Variants in CCDC141 observed in about 807,000 individuals in gnomAD.
The protein encoded by CCDC141 is coiled-coil domain containing 141.
In CCDC141, 168 loss-of-function variants were observed where a neutral mutation model predicts 181.0. That is an observed-to-expected ratio of 0.93 (90% CI 0.82 to 1.05). The LOEUF (loss-of-function observed/expected upper bound fraction) is 1.05, where lower values mean the gene tolerates loss of function less well. CCDC141 is among the 50% of genes least tolerant of loss of function. The probability of loss-of-function intolerance (pLI) is 0.00; values close to 1 mark genes in which losing one functional copy is unlikely to be tolerated. For synonymous variants in CCDC141, 666 were observed against 642.3 expected, an observed-to-expected ratio of 1.04 and a Z score of -0.56; for missense variants, 1,902 against 1,788.5, an observed-to-expected ratio of 1.06 and a Z score of -1.14.
chr2:179,003,032 GAAAATGGGAT>G (rs2042027889), intron 2 of CCDC141, among the ~76,000 whole-genome samples: 1 of 152,152 alleles, frequency 6.6e-6, no homozygotes, highest in Non-Finnish European at 1.5e-5. Flanking sequence ...AGTCAATCCG[GAAAATGGGAT>G]AAAGATCTAT....
At chr2:178,979,283 A>G (rs1691261888) in intron 2 of CCDC141, among the ~76,000 whole-genome samples, 1 of 152,238 alleles carries the variant, frequency 6.6e-6, no homozygotes, top group South Asian at 2.1e-4. Context: ...TAAGATCCAT[A>G]TAATTCTTGA....
intron 2 of CCDC141, among the ~76,000 whole-genome samples, chr2:179,041,750 C>G (rs886989933): frequency 6.6e-6 from 1 of 151,892 alleles, no homozygotes; most frequent in Non-Finnish European, 1.5e-5. Context: ...ACAGAAAAAG[C>G]AAGATTTGCA....
At chr2:178,952,592 T>C (rs921978693) in intron 5 of CCDC141, among the ~76,000 whole-genome samples, 1 of 152,226 alleles carries the variant, frequency 6.6e-6, no homozygotes, top group African/African-American at 2.4e-5. Context: ...TCGCATACAT[T>C]CCAGTTAGAA....
chr2:178,872,192 C>T lies in CCDC141; in HGVS notation c.2020G>A (p.Ala674Thr). The change falls in exon 13 of 24, where the codon GCC becomes ACC. Residue 674 changes from alanine to threonine, a missense_variant. Coordinates refer to ENST00000443758, the MANE Select transcript of CCDC141 (RefSeq NM_173648.4). ...SLLRLAWQLK[A>T]TESKPGKQQW... ...TGTTTTCCAGGCTTGCTTTCCGTGG[C>T]TTTAAGCTGCCATGCCAGCCGAAGG... is the stretch of plus-strand genomic sequence containing the variant. 1 of 1,614,018 alleles carries T rather than the reference C, an allele frequency of 6.2e-7. No homozygotes were observed. Among genetic ancestry groups the T allele is most frequent in the South Asian group, 1.1e-5 (1 of 91,070 alleles).
Position 178,834,304 on chromosome 2 carries a change from C to G in CCDC141, c.4462G>C (p.Gly1488Arg), listed in dbSNP as rs199670476. The G allele has an allele frequency of 1.2e-5, 18 of 1,535,834 alleles. No homozygotes were observed. The highest frequency in any genetic ancestry group is 1.4e-5 in the Non-Finnish European group (16 of 1,146,860). Residue 1488 changes from glycine (G) to arginine (R), a missense_variant, in exon 24 of 24, where the codon GGC becomes CGC. By Grantham distance (125) the Gly-to-Arg change is moderately radical. Coordinates refer to ENST00000443758, the MANE Select transcript of CCDC141 (RefSeq NM_173648.4). Reference sequence around the variant, plus strand: ...AGGATGACATTGGAAGAGAGAGCGCCGCTAGAGTTTTGGGCCCGAGCCACA... The same window carrying G: ...AGGATGACATTGGAAGAGAGAGCGCGGCTAGAGTTTTGGGCCCGAGCCACA... The part of the protein sequence containing the change: ...LYVARAQNSS[G>R]ALSSNVILHV...
At chr2:178,938,791 T>C (rs1270678893) in intron 6 of CCDC141, among the ~76,000 whole-genome samples, 1 of 152,058 alleles carries the variant, frequency 6.6e-6, no homozygotes, top group African/African-American at 2.4e-5. Flanking sequence ...AGGGATGTAA[T>C]GTATCCAAGG....
chr2:178,863,997 T>C (rs930759267), intron 17 of CCDC141, among the ~76,000 whole-genome samples: 2 of 152,106 alleles, frequency 1.3e-5, no homozygotes, highest in Non-Finnish European at 2.9e-5. Flanking sequence ...GCAGTCCCTA[T>C]AAATAGAATT....
chr2:178,860,543 C>CTTT (rs71023458), intron 17 of CCDC141, among the ~76,000 whole-genome samples: 8,382 of 51,416 alleles, frequency 0.16, 2,246 homozygotes, highest in African/African-American at 0.22. Context: ...AAAAACAACA[C>CTTT]TTTTTTTTTT....
the CCDC141 span, among the ~76,000 whole-genome samples, chr2:178,824,463 A>T: frequency 1.6e-4 from 25 of 152,034 alleles, no homozygotes; most frequent in South Asian, 8.3e-4. Flanking sequence ...TCTCTATTAA[A>T]AGCACAAAAA....
At chr2:178,826,417 T>C (rs576870907), downstream of CCDC141, among the ~76,000 whole-genome samples, 1 of 152,312 alleles carries the variant, frequency 6.6e-6, no homozygotes, top group Non-Finnish European at 1.5e-5. Flanking sequence ...CTGGTTTTAC[T>C]ATTAGCATAA....
At chr2:178,849,776 A>AT (rs1411645582) in intron 21 of CCDC141, among the ~76,000 whole-genome samples, 1 of 152,190 alleles carries the variant, frequency 6.6e-6, no homozygotes, top group Non-Finnish European at 1.5e-5. Context: ...AATGGGACAC[A>AT]TTTTTTAGGA....
At chr2:178,847,805 G>A (rs1462656711) in intron 21 of CCDC141, among the ~76,000 whole-genome samples, 1 of 152,192 alleles carries the variant, frequency 6.6e-6, no homozygotes, top group Non-Finnish European at 1.5e-5. Context: ...CCTTTGGGAA[G>A]TGATTAGGTC....
chr2:179,037,900 T>A (rs1479987617), intron 2 of CCDC141, among the ~76,000 whole-genome samples: 1 of 152,220 alleles, frequency 6.6e-6, no homozygotes, highest in Non-Finnish European at 1.5e-5. Flanking sequence ...ACACATATAA[T>A]GTTGGTGGGA....
the CCDC141 span, among the ~76,000 whole-genome samples, chr2:178,819,739 C>A: frequency 0.27 from 40,892 of 151,814 alleles, 8,076 homozygotes; most frequent in East Asian, 0.79. Context: ...ACCCCCCAAA[C>A]ACACAGAATT....
At chr2:178,940,628 G>A (rs1307362521) in intron 6 of CCDC141, among the ~76,000 whole-genome samples, 1 of 152,130 alleles carries the variant, frequency 6.6e-6, no homozygotes, top group Non-Finnish European at 1.5e-5. Context: ...TAGATAAAAG[G>A]AGGTTAAGTG....
chr2:178,994,850 G>A (rs1413489529), intron 2 of CCDC141, among the ~76,000 whole-genome samples: 1 of 152,076 alleles, frequency 6.6e-6, no homozygotes, highest in African/African-American at 2.4e-5. Context: ...TATAGGGCAG[G>A]GGCAAAATGT....
Position 178,834,123 on chromosome 2 carries a change from A to G in CCDC141, c.*50T>C, listed in dbSNP as rs1409328786. ...GAGGTGCAGGAAGATAAACGGCGGC[A>G]CTTTTCTTTAGGCACATGAGAATGA... On this transcript the variant is annotated 3_prime_UTR_variant, in exon 24 of 24. Coordinates refer to ENST00000443758, the MANE Select transcript of CCDC141 (RefSeq NM_173648.4). The G allele has an allele frequency of 2.0e-6, 3 of 1,517,368 alleles. No individual in the cohort carries two copies. Among genetic ancestry groups the G allele is most frequent in the Non-Finnish European group, 2.6e-6 (3 of 1,132,698 alleles). The allele number at this position is 1,517,368 out of a possible 1,614,324, so 94.0% of individuals were successfully genotyped here.
intron 4 of CCDC141, among the ~76,000 whole-genome samples, chr2:178,962,334 T>C (rs1690442142): frequency 6.6e-6 from 1 of 152,178 alleles, no homozygotes; most frequent in African/African-American, 2.4e-5. Context: ...TGGGGAACTG[T>C]CCACTCTCCA....
intron 2 of CCDC141, among the ~76,000 whole-genome samples, chr2:178,982,883 G>T (rs1185122350): frequency 6.6e-6 from 1 of 152,186 alleles, no homozygotes; most frequent in Non-Finnish European, 1.5e-5. Context: ...CAGCCAGGCT[G>T]GGGGAGGGGC....
Sources: allele counts gnomAD v4.1 joint callset (sites outside exome capture counted in the v4.1 genomes callset), GRCh38; gene constraint gnomAD v4.1.1; transcripts MANE v1.5; gene names NCBI Gene and HGNC (gene_info 2026-07-23, HGNC 2026-07-21).